SCN2A: variants seen among roughly 807,000 people sequenced by gnomAD.
SCN2A encodes the protein sodium channel protein type 2 subunit alpha.
Under a neutral mutation model 188.7 loss-of-function variants are expected in SCN2A, and 20 were observed. That is an observed-to-expected ratio of 0.11 (90% CI 0.07 to 0.15). The LOEUF (loss-of-function observed/expected upper bound fraction) is 0.15. Among genes scored for constraint, SCN2A ranks in the 10% least tolerant of loss-of-function variants. The pLI is 1.00. For synonymous variants in SCN2A, 804 were observed against 833.1 expected (o/e 0.97, Z 0.60); for missense variants, 1,278 against 2,445.0 (o/e 0.52, Z 10.07).
At chr2:165,367,421 C>T (rs765857854) in intron 19 of SCN2A, 50 bp downstream of exon 19, 10 of 1,598,142 alleles carry the variant, frequency 6.3e-6, no homozygotes, top group Admixed American at 3.3e-5. Context: ...AATCTTTTCC[C>T]TTTCCCTTCA....
chr2:165,268,288 C>T (rs1694961839), intron 1 of SCN2A: 1 of 151,790 alleles, frequency 6.6e-6, no homozygotes, highest in African/African-American at 2.4e-5. Flanking sequence ...AAATTCTCAA[C>T]AAAATTCTAG....
At chr2:165,370,047 C>T in intron 19 of SCN2A, 79 bp from the exon 20 acceptor site, 3 of 1,265,944 alleles carry the variant, frequency 2.4e-6, no homozygotes, top group South Asian at 2.5e-5. Context: ...TAAGAGCTTG[C>T]ATCGTTTCCT....
intron 1 of SCN2A, chr2:165,270,086 T>G (rs1695038494): frequency 6.6e-6 from 1 of 152,110 alleles, no homozygotes; most frequent in East Asian, 1.9e-4. Context: ...ATGCTTAATG[T>G]TATCCCTCTT....
chr2:165,343,333 C>T (rs962092529), intron 15 of SCN2A, among the ~76,000 whole-genome samples: 2 of 152,076 alleles, frequency 1.3e-5, no homozygotes, highest in Non-Finnish European at 2.9e-5. Context: ...ACTATATTTC[C>T]TTCCCTAATC....
chr2:165,301,612 A>G (rs1696812906), intron 3 of SCN2A, among the ~76,000 whole-genome samples: 2 of 152,358 alleles, frequency 1.3e-5, no homozygotes, highest in African/African-American at 2.4e-5. Context: ...TATGACAAGT[A>G]TCTAGCACCA....
At chr2:165,318,717 T>G (rs1281463792) in intron 11 of SCN2A, among the ~76,000 whole-genome samples, 2 of 152,194 alleles carry the variant, frequency 1.3e-5, no homozygotes, top group Non-Finnish European at 1.5e-5. Flanking sequence ...AAATATAAAC[T>G]CTTACTAAAA....
intron 17 of SCN2A, among the ~76,000 whole-genome samples, chr2:165,363,723 A>G (rs915006612): frequency 4.6e-5 from 7 of 152,164 alleles, no homozygotes; most frequent in African/African-American, 1.7e-4. Flanking sequence ...GTAATTTGAT[A>G]TACCTGATAA....
At chr2:165,265,235 G>A (rs1017543239) in intron 1 of SCN2A, among the ~76,000 whole-genome samples, 3 of 151,410 alleles carry the variant, frequency 2.0e-5, no homozygotes, top group Non-Finnish European at 2.9e-5. Context: ...GTGATGTAGA[G>A]TTTTTTTATA....
intron 20 of SCN2A, 116 bp downstream of exon 20, chr2:165,370,415 T>C (rs1700964973): frequency 9.4e-7 from 1 of 1,061,270 alleles, no homozygotes. Flanking sequence ...ATATAAATTA[T>C]GTTTCTCATT....
At position 165,315,710 on chromosome 2, in the gene SCN2A, G is replaced by C; in HGVS notation, c.1623G>C (p.Leu541Phe). Residue 541 changes from leucine (L) to phenylalanine (F), a missense_variant, in exon 11 of 27, where the codon TTG becomes TTC. This residue lies in a region of SCN2A where 315 missense variants were observed against 386.6 expected (regional missense o/e 0.81). Transcript: ENST00000375437. ...SIRRKGFRFS[L>F]EGSRLTYEKR... ...GAAGAAAAGGTTTCCGTTTTTCCTT[G>C]GAAGGAAGTAGGCTGACATATGAAA... 6.2e-7 allele frequency: 1 copy of C among 1,613,208 alleles called. No individual in the cohort carries two copies. The highest frequency in any genetic ancestry group is 8.5e-7 in the Non-Finnish European group (1 of 1,179,768).
chr2:165,360,630 A>G (rs980505483), intron 17 of SCN2A, among the ~76,000 whole-genome samples: 2 of 151,928 alleles, frequency 1.3e-5, no homozygotes, highest in Non-Finnish European at 2.9e-5. Context: ...GGCTATTCCT[A>G]TTTGATCTCG....
intron 11 of SCN2A, among the ~76,000 whole-genome samples, chr2:165,321,595 A>G (rs569517523): frequency 6.6e-6 from 1 of 152,270 alleles, no homozygotes; most frequent in East Asian, 1.9e-4. Context: ...GGCAAAGAGG[A>G]GCAAGTCACA....
At chr2:165,314,614 T>A (rs549871851) in intron 10 of SCN2A, among the ~76,000 whole-genome samples, 1 of 152,306 alleles carries the variant, frequency 6.6e-6, no homozygotes, top group Non-Finnish European at 1.5e-5. Context: ...CAAATGCAAG[T>A]TTGTGGGTTA....
chr2:165,307,030 T>G (rs1285946430), intron 3 of SCN2A, among the ~76,000 whole-genome samples: 1 of 152,144 alleles, frequency 6.6e-6, no homozygotes, highest in Non-Finnish European at 1.5e-5. Flanking sequence ...TGTTTTTTAA[T>G]GTCAAGGAAA....
intron 11 of SCN2A, 138 bp from the exon 12 acceptor site, chr2:165,323,018 G>T (rs867388409): frequency 1.3e-6 from 1 of 799,124 alleles, no homozygotes. Context: ...CATCAGAGGG[G>T]TGCTTTCTTC....
intron 1 of SCN2A, among the ~76,000 whole-genome samples, chr2:165,277,614 G>A (rs1695402750): frequency 6.6e-6 from 1 of 152,144 alleles, no homozygotes; most frequent in African/African-American, 2.4e-5. Flanking sequence ...AGTTCAAGTT[G>A]AGTTTTGCAT....
intron 10 of SCN2A, among the ~76,000 whole-genome samples, chr2:165,314,642 T>C (rs935093255): frequency 6.6e-6 from 1 of 152,204 alleles, no homozygotes; most frequent in African/African-American, 2.4e-5. Context: ...AAATCACTAG[T>C]GTGTAAACAT....
At chr2:165,384,708 A>G (rs1379742852) in intron 25 of SCN2A, among the ~76,000 whole-genome samples, 2 of 152,160 alleles carry the variant, frequency 1.3e-5, no homozygotes, top group Non-Finnish European at 2.9e-5. Context: ...TTGCAATACA[A>G]TGCCATACAT....
chr2:165,309,339 C>A lies in SCN2A; in HGVS notation c.606-13C>A. The A allele has an allele frequency of 6.2e-7, 1 of 1,613,562 alleles. No homozygotes were observed. The highest frequency in any genetic ancestry group is 8.5e-7 in the Non-Finnish European group (1 of 1,179,686). The stretch of plus-strand genomic sequence containing the variant: ...TTCTGTCATTGTGTTTGTGTGTGAA[C>A]CCCCTATTACAGATATGTGACAGAG... On this transcript the variant is annotated splice_polypyrimidine_tract_variant and intron_variant, in intron 5 of 26. Coordinates refer to ENST00000375437, the MANE Select transcript of SCN2A (RefSeq NM_001040142.2).
Sources: allele counts gnomAD v4.1 joint callset (sites outside exome capture counted in the v4.1 genomes callset), GRCh38; gene constraint gnomAD v4.1.1; regional missense constraint gnomAD v4.1.1; transcripts MANE v1.5; gene names NCBI Gene and HGNC (gene_info 2026-07-23, HGNC 2026-07-21).